Variants in SLK observed in about 807,000 individuals in gnomAD.
The protein encoded by SLK is STE20 like kinase.
SLK carries 67 observed loss-of-function variants against 147.7 expected under a neutral mutation model. That is an observed-to-expected ratio of 0.45 (90% CI 0.37 to 0.56). The LOEUF is 0.56. SLK is among the 20% of genes least tolerant of loss of function. The probability of loss-of-function intolerance (pLI) is 0.00; values close to 1 mark genes in which losing one functional copy is unlikely to be tolerated. For missense variants in SLK, 1,136 were observed against 1,438.8 expected (o/e 0.79, Z 3.41); for synonymous variants, 441 against 475.0 (o/e 0.93, Z 0.93).
At chr10:104,013,464 C>G (rs1299834129) in intron 13 of SLK, among the ~76,000 whole-genome samples, 2 of 152,252 alleles carry the variant, frequency 1.3e-5, no homozygotes, top group Non-Finnish European at 2.9e-5. Flanking sequence ...TTGGAAACCA[C>G]TGATCTAGTT....
chr10:103,969,033 A>G (rs796645360), intron 1 of SLK, among the ~76,000 whole-genome samples: 4 of 151,898 alleles, frequency 2.6e-5, no homozygotes, highest in African/African-American at 9.7e-5. Flanking sequence ...CAATAGCGCG[A>G]TCTCGGCTCA....
rs1844634489 is a variant in SLK, at chr10:104,029,129, T to C, written c.*3409T>C. 6.6e-6 allele frequency: 1 copy of C among 152,236 alleles called. No individual in the cohort carries two copies. The highest frequency in any genetic ancestry group is 1.5e-5 in the Non-Finnish European group (1 of 68,034). 9.4% of individuals were successfully genotyped at this position (152,236 alleles called of 1,614,324 possible). A position where few individuals can be genotyped will look rare whatever the true frequency, so the allele number is the denominator to read the frequency against. Reference sequence around the variant, plus strand: ...TGTAATGAGTTCATAAGCTAAATTTTCAGAAAGAATTTTGTTTAAGATTAT... The same window carrying C: ...TGTAATGAGTTCATAAGCTAAATTTCCAGAAAGAATTTTGTTTAAGATTAT... On this transcript the variant is annotated 3_prime_UTR_variant, in exon 19 of 19. Coordinates refer to ENST00000369755, the MANE Select transcript of SLK (RefSeq NM_014720.4).
intron 1 of SLK, among the ~76,000 whole-genome samples, chr10:103,969,788 G>A (rs1181425331): frequency 6.6e-6 from 1 of 152,180 alleles, no homozygotes; most frequent in Non-Finnish European, 1.5e-5. Context: ...AACTTCTCTG[G>A]ACCTCCGTTT....
At chr10:103,982,058 C>T (rs1021278801) in intron 1 of SLK, among the ~76,000 whole-genome samples, 1 of 152,016 alleles carries the variant, frequency 6.6e-6, no homozygotes, top group African/African-American at 2.4e-5. Flanking sequence ...AGTTAATTCC[C>T]AAGTGTTTTA....
At position 103,992,159 on chromosome 10, in the gene SLK, T is replaced by TTC. The variant is rs1554842829; in HGVS notation, c.316-439_316-438insTC. On this transcript the variant is annotated intron_variant, in intron 2 of 18. Transcript: ENST00000369755. ...TTCTTCTGTTTTTTTTTTTTTTTTTTCTAAAAGAAGTCTCTGTATAAATAT... is the reference window on the plus strand; with the variant it reads ...TTCTTCTGTTTTTTTTTTTTTTTTTTTCCTAAAAGAAGTCTCTGTATAAATAT... Among the ~76,000 whole-genome samples the TTC allele has an allele frequency of 6.3e-3, 876 of 139,014 alleles. 14 individuals carry two copies. The highest frequency in any genetic ancestry group is 0.022 in the African/African-American group (842 of 38,194). 91.2% of individuals were successfully genotyped at this position (139,014 alleles called of 152,430 possible).
At chr10:103,995,873 G>A (rs1410120522) in intron 4 of SLK, among the ~76,000 whole-genome samples, 1 of 152,146 alleles carries the variant, frequency 6.6e-6, no homozygotes, top group Non-Finnish European at 1.5e-5. Flanking sequence ...ACCCTCATGA[G>A]TTCATATATA....
In SLK at chr10:103,994,943, A is replaced by T. The variant is rs185697167; in HGVS notation, c.514+1810A>T. ...TTTGCATTCTTTCATTGGGAGGCAC[A>T]CCGTGTCTGCTTTGTGCCCTTTTTT... On this transcript the variant is annotated intron_variant, in intron 4 of 18. Transcript: ENST00000369755. 2.7e-3 allele frequency among the ~76,000 whole-genome samples: 410 copies of T among 152,266 alleles called. 10 individuals carry two copies. The highest frequency in any genetic ancestry group is 0.022 in the Admixed American group (341 of 15,292).
chr10:103,971,400 G>C (rs982400211), intron 1 of SLK, among the ~76,000 whole-genome samples: 1 of 152,054 alleles, frequency 6.6e-6, no homozygotes, highest in South Asian at 2.1e-4. Flanking sequence ...TCAGCCTCCG[G>C]AGTAGTTGGG....
chr10:104,002,077 G>A (rs1844255867), intron 8 of SLK, 95 bp from the exon 9 acceptor site: 3 of 938,478 alleles, frequency 3.2e-6, no homozygotes, highest in African/African-American at 3.3e-5. Flanking sequence ...AACATTTACT[G>A]AATAAAGATC....
At chr10:103,986,455 ATGC>A (rs1241801545) in intron 1 of SLK, among the ~76,000 whole-genome samples, 1 of 152,142 alleles carries the variant, frequency 6.6e-6, no homozygotes, top group African/African-American at 2.4e-5. Flanking sequence ...TGAGAAGCTA[ATGC>A]TGCTGCTCAT....
chr10:103,999,457 G>T, intron 6 of SLK, 144 bp downstream of exon 6: 3 of 642,802 alleles, frequency 4.7e-6, no homozygotes, highest in South Asian at 4.6e-5. Flanking sequence ...GTGATTTTTG[G>T]TATATTTCTC....
At position 104,002,406 on chromosome 10, in the gene SLK, A is replaced by T. The variant is rs1176081805; in HGVS notation, c.1228A>T (p.Thr410Ser). 1.9e-6 allele frequency: 3 copies of T among 1,613,892 alleles called. No homozygotes were observed. In the African/African-American group the frequency reaches 4.0e-5, roughly 22 times the overall value. ...HITDAQLEAM[T>S]ELHDRTAVIK... ...TACCGATGCTCAGTTAGAAGCAATG[A>T]CTGAACTCCATGACAGAACAGCAGT... Residue 410 changes from threonine to serine, a missense_variant, in exon 9 of 19, where the codon ACT (threonine) becomes TCT (serine). Thr to Ser is a moderately conservative substitution (Grantham distance 58, BLOSUM62 1). Transcript: ENST00000369755.
Position 104,019,891 on chromosome 10 carries a change from C to T in SLK, c.3290C>T (p.Thr1097Ile). 1 of 1,614,076 alleles carries T rather than the reference C, an allele frequency of 6.2e-7. No individual in the cohort carries two copies. Among genetic ancestry groups the T allele is most frequent in the Non-Finnish European group, 8.5e-7 (1 of 1,179,930 alleles). ...KKSLRINSTA[T>I]PDQDRDKIKQ... ...AGTTTGAGAATTAACTCAACAGCCACACCAGATCAGGACCGTGATAAAATT... is the reference window on the plus strand; with the variant it reads ...AGTTTGAGAATTAACTCAACAGCCATACCAGATCAGGACCGTGATAAAATT... Residue 1097 changes from threonine to isoleucine, a missense_variant, in exon 16 of 19, where the codon ACA becomes ATA. Thr to Ile is a moderately conservative substitution (Grantham distance 89). This residue lies in a region of SLK where 327 missense variants were observed against 457.5 expected (regional missense o/e 0.71). Transcript: ENST00000369755.
chr10:104,010,810 C>T lies in SLK; in HGVS notation c.2785-6C>T. 6.4e-7 allele frequency: 1 copy of T among 1,565,166 alleles called. No homozygotes were observed. The highest frequency in any genetic ancestry group is 2.3e-5 in the East Asian group (1 of 43,692). ...TCCCCACCTCCTGCATGCTTATACA[C>T]TGTAGGTTATAAATGAAGTGGAGAA... On this transcript the variant is annotated splice_polypyrimidine_tract_variant and splice_region_variant and intron_variant, in intron 12 of 18. Coordinates refer to ENST00000369755, the MANE Select transcript of SLK (RefSeq NM_014720.4).
chr10:103,999,824 A>T, intron 6 of SLK, 43 bp from the exon 7 acceptor site: 1 of 831,194 alleles, frequency 1.2e-6, no homozygotes, highest in Non-Finnish European at 2.0e-6. Context: ...TAATTTGATT[A>T]ACAAGAAAGT....
Position 103,967,219 on chromosome 10 carries a change from A to T in SLK, c.-527A>T, listed in dbSNP as rs911324007. 4 of 151,730 alleles carry T rather than the reference A, an allele frequency of 2.6e-5. No homozygotes were observed. The highest frequency in any genetic ancestry group is 9.7e-5 in the African/African-American group (4 of 41,228). The allele number at this position is 151,730 out of a possible 1,614,324, so 9.4% of individuals were successfully genotyped here. ...ACAGGCGGCGGCGGCGGCGCCCCAGACCCGAGGGGACGCGCGGGCCTTGCG... is the reference window on the plus strand; with the variant it reads ...ACAGGCGGCGGCGGCGGCGCCCCAGTCCCGAGGGGACGCGCGGGCCTTGCG... On this transcript the variant is annotated 5_prime_UTR_variant, in exon 1 of 19. Transcript: ENST00000369755.
Position 104,024,296 on chromosome 10 carries a change from G to A in SLK, c.3562-1278G>A, listed in dbSNP as rs1844570751. On this transcript the variant is annotated intron_variant, in intron 18 of 18. Transcript: ENST00000369755. The stretch of plus-strand genomic sequence containing the variant: ...CCCTTTCCTTTCTTCCCACTCGCCT[G>A]CCATCACCGGAGGATTTATCCTCAA... Among the ~76,000 whole-genome samples the A allele has an allele frequency of 2.0e-5, 3 of 152,244 alleles. No individual in the cohort carries two copies. In the South Asian group the frequency reaches 6.2e-4, roughly 32 times the overall value.
intron 1 of SLK, among the ~76,000 whole-genome samples, chr10:103,988,241 T>C (rs930697323): frequency 1.1e-4 from 17 of 152,156 alleles, no homozygotes; most frequent in African/African-American, 4.1e-4. Flanking sequence ...CATCTCCTAG[T>C]TTCAGGAAGA....
chr10:103,967,656 C>G lies in SLK; in HGVS notation c.-90C>G. The G allele has an allele frequency of 8.2e-7, 1 of 1,213,408 alleles. No homozygotes were observed. The highest frequency in any genetic ancestry group is 1.1e-6 in the Non-Finnish European group (1 of 920,356). The allele number at this position is 1,213,408 out of a possible 1,614,324, so 75.2% of individuals were successfully genotyped here. On this transcript the variant is annotated 5_prime_UTR_variant, in exon 1 of 19. Coordinates refer to ENST00000369755, the MANE Select transcript of SLK (RefSeq NM_014720.4). ...GGGACGCCGCGCCCGCCGCCGCCAG[C>G]CGGGCTCGCGCGGGAGAGCAGGGAA... is the stretch of plus-strand genomic sequence containing the variant.
Sources: allele counts gnomAD v4.1 joint callset (sites outside exome capture counted in the v4.1 genomes callset), GRCh38; gene constraint gnomAD v4.1.1; regional missense constraint gnomAD v4.1.1; transcripts MANE v1.5; gene names NCBI Gene and HGNC (gene_info 2026-07-23, HGNC 2026-07-21).